SYNDIG1: variants seen among roughly 807,000 people sequenced by gnomAD.
SYNDIG1 encodes the protein synapse differentiation-inducing gene protein 1.
In SYNDIG1, 9 loss-of-function variants were observed where a neutral mutation model predicts 19.4. That is an observed-to-expected ratio of 0.46 (90% CI 0.28 to 0.81). SYNDIG1 has a LOEUF of 0.81. Among genes scored for constraint, SYNDIG1 ranks in the 30% least tolerant of loss-of-function variants. The pLI, the probability that SYNDIG1 is intolerant of heterozygous loss-of-function variation, is 0.12. For synonymous variants in SYNDIG1, 141 were observed against 145.9 expected (o/e 0.97, Z 0.24); for missense variants, 311 against 343.3 (o/e 0.91, Z 0.74).
At chr20:24,662,650 C>T (rs544451421) in intron 3 of SYNDIG1, among the ~76,000 whole-genome samples, 22 of 151,682 alleles carry the variant, frequency 1.5e-4, no homozygotes, top group Non-Finnish European at 2.5e-4. Context: ...TGAGCCCCTA[C>T]CCCCAGCCCA....
At chr20:24,644,694 G>C (rs1302143998) in intron 3 of SYNDIG1, among the ~76,000 whole-genome samples, 1 of 152,218 alleles carries the variant, frequency 6.6e-6, no homozygotes, top group African/African-American at 2.4e-5. Flanking sequence ...TCTCAGCCCA[G>C]GAACCAGCTA....
intron 2 of SYNDIG1, among the ~76,000 whole-genome samples, chr20:24,556,926 G>A (rs541358617): frequency 1.3e-3 from 199 of 152,174 alleles, no homozygotes; most frequent in African/African-American, 4.3e-3. Context: ...CATTCTCCCC[G>A]TCACTTTCAG....
Position 24,666,567 on chromosome 20 carries a change from C to CA in SYNDIG1, c.*1069dup, listed in dbSNP as rs1345890701. 1 of 152,582 alleles carries CA rather than the reference C, an allele frequency of 6.6e-6. No individual in the cohort carries two copies. The highest frequency in any genetic ancestry group is 2.4e-5 in the African/African-American group (1 of 41,442). The allele number at this position is 152,582 out of a possible 1,614,324, so 9.5% of individuals were successfully genotyped here. A position where few individuals can be genotyped will look rare whatever the true frequency, so the allele number is the denominator to read the frequency against. ...TGTTTTACGAGTGTTCATTACTTAACAAAAAATTATCTTTTAGCTTTTTCG... is the reference window on the plus strand; with the variant it reads ...TGTTTTACGAGTGTTCATTACTTAACAAAAAAATTATCTTTTAGCTTTTTCG... On this transcript the variant is annotated 3_prime_UTR_variant, in exon 4 of 4. Coordinates refer to ENST00000376862, the MANE Select transcript of SYNDIG1 (RefSeq NM_024893.3).
At position 24,478,229 on chromosome 20, in the gene SYNDIG1, G is replaced by A. The variant is rs372335243; in HGVS notation, c.-79+8476G>A. Among the ~76,000 whole-genome samples the A allele has an allele frequency of 1.2e-4, 18 of 152,388 alleles. No homozygotes were observed. In the East Asian group the frequency reaches 2.3e-3, roughly 20 times the overall value. On this transcript the variant is annotated intron_variant, in intron 1 of 3. Transcript: ENST00000376862. ...TGAAGGAGATTCAGGAAGACCACCA[G>A]CTTCAACCATTGGTGCCTTATTGCT...
chr20:24,477,022 T>C (rs1389164764), intron 1 of SYNDIG1, among the ~76,000 whole-genome samples: 1 of 152,242 alleles, frequency 6.6e-6, no homozygotes, highest in Non-Finnish European at 1.5e-5. Flanking sequence ...TCACAGTCTA[T>C]TTTAGAACCA....
intron 2 of SYNDIG1, among the ~76,000 whole-genome samples, chr20:24,563,698 C>A (rs2057987634): frequency 6.6e-6 from 1 of 152,206 alleles, no homozygotes; most frequent in South Asian, 2.1e-4. Flanking sequence ...ACCTCCCAGA[C>A]TCAAGCAATC....
intron 3 of SYNDIG1, among the ~76,000 whole-genome samples, chr20:24,645,262 C>T (rs2059412328): frequency 6.6e-6 from 1 of 152,182 alleles, no homozygotes; most frequent in Non-Finnish European, 1.5e-5. Context: ...AGGCAAAACA[C>T]CCATGTTAAT....
chr20:24,504,210 G>A (rs1479917749), intron 1 of SYNDIG1, among the ~76,000 whole-genome samples: 4 of 152,178 alleles, frequency 2.6e-5, no homozygotes, highest in Middle Eastern at 3.4e-3. Context: ...CGCCCGCCTC[G>A]GCCTCCCAAA....
intron 3 of SYNDIG1, among the ~76,000 whole-genome samples, chr20:24,621,586 T>A (rs533220990): frequency 6.6e-6 from 1 of 152,308 alleles, no homozygotes; most frequent in Non-Finnish European, 1.5e-5. Flanking sequence ...GTGGCATCCT[T>A]TTTTTGGGGG....
chr20:24,564,305 C>T (rs1279988290), intron 2 of SYNDIG1, among the ~76,000 whole-genome samples: 1 of 152,176 alleles, frequency 6.6e-6, no homozygotes, highest in Non-Finnish European at 1.5e-5. Flanking sequence ...TCATGCTACA[C>T]AACAGGGGCA....
At chr20:24,591,385 C>A (rs974619008) in intron 3 of SYNDIG1, among the ~76,000 whole-genome samples, 1 of 151,846 alleles carries the variant, frequency 6.6e-6, no homozygotes, top group African/African-American at 2.4e-5. Context: ...CAGAATGGGA[C>A]CTTGTCTTTA....
chr20:24,486,848 C>T (rs891214910), intron 1 of SYNDIG1, among the ~76,000 whole-genome samples: 3 of 151,874 alleles, frequency 2.0e-5, no homozygotes, highest in Non-Finnish European at 2.9e-5. Flanking sequence ...TAGTAGAGAC[C>T]GGGTTTCACC....
intron 3 of SYNDIG1, among the ~76,000 whole-genome samples, chr20:24,628,719 G>A (rs1174682428): frequency 6.6e-6 from 1 of 152,198 alleles, no homozygotes; most frequent in East Asian, 1.9e-4. Flanking sequence ...CAAGCTGGTG[G>A]TCCCCAGGAA....
chr20:24,507,652 C>T (rs560307019), intron 1 of SYNDIG1, among the ~76,000 whole-genome samples: 1 of 152,190 alleles, frequency 6.6e-6, no homozygotes. Flanking sequence ...TGCTGAAGGT[C>T]TGTGGGTGTG....
At chr20:24,486,297 G>A (rs1012288786) in intron 1 of SYNDIG1, among the ~76,000 whole-genome samples, 1 of 152,348 alleles carries the variant, frequency 6.6e-6, no homozygotes, top group African/African-American at 2.4e-5. Flanking sequence ...CCTGGGCTGG[G>A]GAGCCAGGTG....
chr20:24,639,199 A>G (rs1478563189), intron 3 of SYNDIG1, among the ~76,000 whole-genome samples: 1 of 152,228 alleles, frequency 6.6e-6, no homozygotes, highest in Non-Finnish European at 1.5e-5. Flanking sequence ...AGACGCAGGC[A>G]GGGAGAACGT....
chr20:24,624,683 C>T (rs1448172421), intron 3 of SYNDIG1, among the ~76,000 whole-genome samples: 1 of 152,182 alleles, frequency 6.6e-6, no homozygotes, highest in Non-Finnish European at 1.5e-5. Context: ...CTGAATAGCA[C>T]TATCAATCAA....
At chr20:24,476,956 GT>G (rs2055645445) in intron 1 of SYNDIG1, among the ~76,000 whole-genome samples, 1 of 151,810 alleles carries the variant, frequency 6.6e-6, no homozygotes, top group Non-Finnish European at 1.5e-5. Context: ...TAATCTGAAT[GT>G]TCTGGGTGTA....
intron 3 of SYNDIG1, among the ~76,000 whole-genome samples, chr20:24,613,837 G>A (rs577320046): frequency 2.2e-4 from 34 of 152,304 alleles, no homozygotes; most frequent in African/African-American, 8.2e-4. Context: ...TTTTCTTAGT[G>A]TCTAGAGACA....
Sources: allele counts gnomAD v4.1 joint callset (sites outside exome capture counted in the v4.1 genomes callset), GRCh38; gene constraint gnomAD v4.1.1; transcripts MANE v1.5; gene names NCBI Gene and HGNC (gene_info 2026-07-23, HGNC 2026-07-21).